MYO10: variants seen among roughly 807,000 people sequenced by gnomAD.
The protein encoded by MYO10 is myosin X.
A neutral mutation model predicts 257.3 loss-of-function variants in MYO10; 133 were observed. The ratio of observed to expected loss-of-function variants is 0.52; its 90% CI spans 0.45 to 0.60. MYO10 has a LOEUF of 0.60. MYO10 is among the 20% of genes least tolerant of loss of function. The pLI, the probability that MYO10 is intolerant of heterozygous loss-of-function variation, is 0.00. For synonymous variants in MYO10, 1,104 were observed against 1,028.6 expected (o/e 1.07, Z -1.40); for missense variants, 2,399 against 2,635.7 (o/e 0.91, Z 1.97).
chr5:16,910,564 T>A (rs547027587), intron 1 of MYO10, among the ~76,000 whole-genome samples: 1 of 152,366 alleles, frequency 6.6e-6, no homozygotes, highest in East Asian at 1.9e-4. Context: ...GATATTTTAT[T>A]ATAATTAGTA....
intron 3 of MYO10, among the ~76,000 whole-genome samples, chr5:16,813,185 G>T (rs527876483): frequency 3.3e-5 from 5 of 152,142 alleles, no homozygotes; most frequent in African/African-American, 1.2e-4. Context: ...GCCAGCAGGG[G>T]GAAAATGCCA....
Position 16,758,286 on chromosome 5 carries a change from T to C in MYO10, c.1740-60A>G, listed in dbSNP as rs561119034. Reference sequence around the variant, plus strand: ...CACACACCCATTATTAGGTGCAAGATTATTGTAATTAATGGTGCCCTTTCT... The same window carrying C: ...CACACACCCATTATTAGGTGCAAGACTATTGTAATTAATGGTGCCCTTTCT... On this transcript the variant is annotated intron_variant, in intron 17 of 40. Coordinates refer to ENST00000513610, the MANE Select transcript of MYO10 (RefSeq NM_012334.3). The C allele has an allele frequency of 3.6e-4, 409 of 1,142,328 alleles. 4 individuals carry two copies. In the African/African-American group the frequency reaches 5.4e-3, roughly 15 times the overall value. The allele number at this position is 1,142,328 out of a possible 1,614,324, so 70.8% of individuals were successfully genotyped here.
intron 3 of MYO10, among the ~76,000 whole-genome samples, chr5:16,810,611 T>C (rs537391802): frequency 2.0e-5 from 3 of 152,166 alleles, no homozygotes; most frequent in South Asian, 2.1e-4. Context: ...CTGGACAACA[T>C]AGCAAGATCC....
At chr5:16,824,104 T>C (rs1742927664) in intron 2 of MYO10, among the ~76,000 whole-genome samples, 1 of 152,144 alleles carries the variant, frequency 6.6e-6, no homozygotes, top group South Asian at 2.1e-4. Flanking sequence ...GAGAAGGGGC[T>C]TATACACAGA....
chr5:16,931,343 C>T (rs933640598), intron 1 of MYO10, among the ~76,000 whole-genome samples: 3 of 152,116 alleles, frequency 2.0e-5, no homozygotes, highest in African/African-American at 7.2e-5. Flanking sequence ...AGCAGGAGAG[C>T]ACATTCAAGG....
At position 16,925,366 on chromosome 5, in the gene MYO10, C is replaced by T. The variant is rs1358555810; in HGVS notation, c.21+10422G>A. On this transcript the variant is annotated intron_variant, in intron 1 of 40. Transcript: ENST00000513610. The stretch of plus-strand genomic sequence containing the variant: ...GAAAAGATTCACATAGACCTAATCC[C>T]CAAACATTTCACATAGACCATTTTC... 5.1e-4 allele frequency among the ~76,000 whole-genome samples: 77 copies of T among 152,100 alleles called. 3 individuals carry two copies. The highest frequency in any genetic ancestry group is 5.0e-3 in the Admixed American group (77 of 15,274).
At chr5:16,872,137 G>T (rs1249551711) in intron 2 of MYO10, among the ~76,000 whole-genome samples, 1 of 152,160 alleles carries the variant, frequency 6.6e-6, no homozygotes, top group East Asian at 1.9e-4. Flanking sequence ...GCTTCACATG[G>T]CCCAGACTGC....
intron 30 of MYO10, among the ~76,000 whole-genome samples, chr5:16,682,799 A>T (rs1345769860): frequency 6.6e-6 from 1 of 152,162 alleles, no homozygotes; most frequent in Non-Finnish European, 1.5e-5. Context: ...TTAAAAATAA[A>T]AAATAAAAAA....
chr5:16,775,471 C>T (rs983586957), intron 9 of MYO10, among the ~76,000 whole-genome samples: 3 of 152,130 alleles, frequency 2.0e-5, no homozygotes, highest in Non-Finnish European at 4.4e-5. Context: ...CTCTGTCATC[C>T]AGGCTGCAGT....
At chr5:16,877,829 C>A in intron 1 of MYO10, 122 bp from the exon 2 acceptor site, 1 of 727,154 alleles carries the variant, frequency 1.4e-6, no homozygotes, top group Non-Finnish European at 2.3e-6. Context: ...AAGTAAATGT[C>A]TTTCTCAAGC....
intron 19 of MYO10, among the ~76,000 whole-genome samples, chr5:16,750,353 A>C (rs1740344697): frequency 6.6e-6 from 1 of 152,186 alleles, no homozygotes; most frequent in Non-Finnish European, 1.5e-5. Flanking sequence ...CATTTCAATT[A>C]TACACTCCTC....
chr5:16,833,973 C>T (rs189549788), intron 2 of MYO10, among the ~76,000 whole-genome samples: 2 of 152,226 alleles, frequency 1.3e-5, no homozygotes, highest in East Asian at 1.9e-4. Flanking sequence ...CCAATCACTT[C>T]GAGGACAAAA....
At chr5:16,821,104 T>A (rs1445597004) in intron 2 of MYO10, among the ~76,000 whole-genome samples, 1 of 147,452 alleles carries the variant, frequency 6.8e-6, no homozygotes, top group African/African-American at 2.5e-5. Flanking sequence ...GTATAATATA[T>A]AATATATAAA....
chr5:16,675,010 G>A lies in MYO10; in HGVS notation c.4807C>T (p.Arg1603Trp), dbSNP rs779693642. The A allele has an allele frequency of 9.9e-6, 16 of 1,613,864 alleles. No homozygotes were observed. Among genetic ancestry groups the A allele is most frequent in the African/African-American group, 1.3e-5 (1 of 74,920 alleles). Residue 1603 changes from arginine (R) to tryptophan (W), a missense_variant, in exon 35 of 41, where the codon CGG becomes TGG. Around this residue, in one of 3 missense-constraint regions of MYO10, gnomAD observed 1,820 missense variants for 1,939.4 expected, o/e 0.94. Coordinates refer to ENST00000513610, the MANE Select transcript of MYO10 (RefSeq NM_012334.3). ...ATAAGCTGGCAGTACAGCTCGTCCCGCAGAGGTCGCAGGTCATGCCCTGTC... is the reference window on the plus strand; with the variant it reads ...ATAAGCTGGCAGTACAGCTCGTCCCACAGAGGTCGCAGGTCATGCCCTGTC... ...LQTGHDLRPL[R>W]DELYCQLIKQ... is the part of the protein sequence containing the mutation.
At position 16,777,839 on chromosome 5, in the gene MYO10, C is replaced by CCTTTTT. The variant is rs1560979466; in HGVS notation, c.930+1705_930+1706insAAAAAG. On this transcript the variant is annotated intron_variant, in intron 9 of 40. Transcript: ENST00000513610. ...GCCACCCTAGGTGCATTGCATCTAA[C>CCTTTTT]TTTTTTTTTTTTTTTTTTTTTTTTT... 6.8e-5 allele frequency among the ~76,000 whole-genome samples: 6 copies of CCTTTTT among 88,478 alleles called. 1 individual carries two copies. Among genetic ancestry groups the CCTTTTT allele is most frequent in the Admixed American group, 5.8e-4 (4 of 6,886 alleles). 58.0% of individuals were successfully genotyped at this position (88,478 alleles called of 152,430 possible). A position where few individuals can be genotyped will look rare whatever the true frequency, so the allele number is the denominator to read the frequency against.
intron 19 of MYO10, among the ~76,000 whole-genome samples, chr5:16,729,245 GT>G (rs1739487553): frequency 1.3e-5 from 2 of 152,056 alleles, no homozygotes; most frequent in South Asian, 4.1e-4. Context: ...TCTTCCTATA[GT>G]TTAACATCAA....
intron 3 of MYO10, among the ~76,000 whole-genome samples, chr5:16,801,411 CA>C (rs1487903059): frequency 1.3e-5 from 2 of 151,988 alleles, no homozygotes; most frequent in Admixed American, 1.3e-4. Flanking sequence ...GGGGTTTCAC[CA>C]CATTAGCCAG....
intron 19 of MYO10, among the ~76,000 whole-genome samples, chr5:16,732,041 G>T (rs1355942577): frequency 6.6e-6 from 1 of 152,204 alleles, no homozygotes; most frequent in Non-Finnish European, 1.5e-5. Flanking sequence ...GTGAGGAATA[G>T]GAGCAGGTCC....
intron 1 of MYO10, among the ~76,000 whole-genome samples, chr5:16,922,686 G>A (rs935515579): frequency 7.2e-5 from 11 of 152,164 alleles, no homozygotes; most frequent in Non-Finnish European, 1.5e-4. Flanking sequence ...TAGGGTTGTA[G>A]TTTCGTTTCT....
Sources: allele counts gnomAD v4.1 joint callset (sites outside exome capture counted in the v4.1 genomes callset), GRCh38; gene constraint gnomAD v4.1.1; regional missense constraint gnomAD v4.1.1; transcripts MANE v1.5; gene names NCBI Gene and HGNC (gene_info 2026-07-23, HGNC 2026-07-21).